Variants in DSE observed in about 807,000 individuals in gnomAD.
DSE encodes dermatan sulfate epimerase, also known as dermatan-sulfate epimerase.
DSE carries 36 observed loss-of-function variants against 84.4 expected under a neutral mutation model. The ratio of observed to expected loss-of-function variants is 0.43; its 90% CI spans 0.33 to 0.56. The LOEUF (loss-of-function observed/expected upper bound fraction) is 0.56. DSE is among the 20% of genes least tolerant of loss of function. DSE has a pLI of 0.06. For missense variants in DSE, 862 were observed against 1,169.6 expected, an observed-to-expected ratio of 0.74 and a Z score of 3.84; for synonymous variants, 410 against 430.1, an observed-to-expected ratio of 0.95 and a Z score of 0.58.
At chr6:116,336,965 C>CA (rs1777290099) in intron 2 of DSE, among the ~76,000 whole-genome samples, 1 of 152,080 alleles carries the variant, frequency 6.6e-6, no homozygotes, top group African/African-American at 2.4e-5. Context: ...TTCAAAGCAA[C>CA]AAAACAGCAT....
chr6:116,436,773 A>C lies in DSE; in HGVS notation c.2305A>C (p.Ser769Arg). ...ACTGTCCCGAGTCCGGAACACAGCTAGCTTTAGGAAGACTGCTGAACGCCT... is the reference window on the plus strand; with the variant it reads ...ACTGTCCCGAGTCCGGAACACAGCTCGCTTTAGGAAGACTGCTGAACGCCT... Reference protein sequence around the residue: ...QILSRVRNTASFRKTAERLLR... With the variant: ...QILSRVRNTARFRKTAERLLR... Residue 769 changes from serine (S) to arginine (R), a missense_variant, in exon 6 of 6, where the codon AGC (serine) becomes CGC (arginine). By Grantham distance (110) the Ser-to-Arg change is moderately radical. Transcript: ENST00000644252. 1 of 1,614,170 alleles carries C rather than the reference A, an allele frequency of 6.2e-7. No homozygotes were observed. Among genetic ancestry groups the C allele is most frequent in the East Asian group, 2.2e-5 (1 of 44,884 alleles).
At chr6:116,357,666 T>C (rs954439227) in intron 2 of DSE, among the ~76,000 whole-genome samples, 3 of 152,360 alleles carry the variant, frequency 2.0e-5, no homozygotes, top group Admixed American at 6.5e-5. Context: ...ATAGTGTTAT[T>C]GGTAAGCATC....
At chr6:116,399,116 G>T in intron 1 of DSE, 82 bp from the exon 2 acceptor site, 1 of 1,117,230 alleles carries the variant, frequency 9.0e-7, no homozygotes, top group South Asian at 1.6e-5. Context: ...TTCACATATG[G>T]TTTCTACCTC....
At chr6:116,329,372 C>T (rs546492060) in intron 2 of DSE, among the ~76,000 whole-genome samples, 125 of 152,292 alleles carry the variant, frequency 8.2e-4, no homozygotes, top group African/African-American at 3.0e-3. Context: ...ACAATCATTA[C>T]AAGCTTTGGA....
chr6:116,416,522 A>G (rs1782723824), intron 2 of DSE, among the ~76,000 whole-genome samples: 1 of 152,068 alleles, frequency 6.6e-6, no homozygotes, highest in East Asian at 1.9e-4. Context: ...GAGTCATGTT[A>G]TATTTAAAAT....
chr6:116,416,349 C>CTGTG (rs59237926), intron 2 of DSE, among the ~76,000 whole-genome samples: 5,325 of 133,960 alleles, frequency 0.04, 184 homozygotes, highest in East Asian at 0.13. Flanking sequence ...CTAATTGCCA[C>CTGTG]TGTGTGTGTG....
At chr6:116,421,368 A>G (rs762716160) in intron 2 of DSE, among the ~76,000 whole-genome samples, 3 of 144,762 alleles carry the variant, frequency 2.1e-5, no homozygotes, top group East Asian at 2.0e-4. Context: ...TTGTTCATTT[A>G]CTCATATTTA....
intron 2 of DSE, among the ~76,000 whole-genome samples, chr6:116,346,523 T>C (rs1489784114): frequency 6.6e-6 from 1 of 152,132 alleles, no homozygotes; most frequent in Non-Finnish European, 1.5e-5. Context: ...AAAAACCACA[T>C]GATTATCTCA....
intron 2 of DSE, among the ~76,000 whole-genome samples, chr6:116,321,504 C>T (rs960430587): frequency 2.0e-5 from 3 of 151,954 alleles, no homozygotes; most frequent in Non-Finnish European, 4.4e-5. Flanking sequence ...ATTTACAGTT[C>T]CTGGCCAGGC....
chr6:116,408,128 A>T (rs2115016226), intron 2 of DSE, among the ~76,000 whole-genome samples: 1 of 152,252 alleles, frequency 6.6e-6, no homozygotes, highest in Middle Eastern at 3.4e-3. Context: ...TTTTTATTTA[A>T]TTCATTGGTT....
upstream of DSE, chr6:116,370,295 TC>T: frequency 4.1e-6 from 1 of 243,898 alleles, no homozygotes; most frequent in African/African-American, 2.3e-5. Flanking sequence ...TAAAATCTGT[TC>T]CGTTTGCAGG....
intron 1 of DSE, among the ~76,000 whole-genome samples, chr6:116,382,039 G>GTGTA (rs1780264116): frequency 1.2e-5 from 1 of 85,408 alleles, no homozygotes; most frequent in African/African-American, 3.6e-5. Context: ...ATGGCATTCT[G>GTGTA]TGTGTGTGTG....
chr6:116,301,733 C>G (rs1344325952), intron 2 of DSE, among the ~76,000 whole-genome samples: 1 of 152,040 alleles, frequency 6.6e-6, no homozygotes, highest in Non-Finnish European at 1.5e-5. Context: ...TTTGCTACAC[C>G]CATCAACCCG....
intron 2 of DSE, among the ~76,000 whole-genome samples, chr6:116,298,802 G>A (rs891940132): frequency 2.6e-5 from 4 of 152,174 alleles, no homozygotes; most frequent in Non-Finnish European, 4.4e-5. Flanking sequence ...CAAAGCCTTT[G>A]ACTTTTCTGC....
chr6:116,412,187 C>A (rs946223489), intron 2 of DSE, among the ~76,000 whole-genome samples: 1 of 151,836 alleles, frequency 6.6e-6, no homozygotes, highest in Admixed American at 6.6e-5. Flanking sequence ...GGCATTATTT[C>A]ATTATTTCTC....
intron 2 of DSE, among the ~76,000 whole-genome samples, chr6:116,287,904 G>A (rs1186466779): frequency 6.6e-6 from 1 of 152,204 alleles, no homozygotes; most frequent in East Asian, 1.9e-4. Flanking sequence ...TTAAGAAAGT[G>A]ATGTATCTAG....
intron 2 of DSE, among the ~76,000 whole-genome samples, chr6:116,341,117 T>A (rs1777564250): frequency 6.6e-6 from 1 of 152,240 alleles, no homozygotes; most frequent in Admixed American, 6.5e-5. Flanking sequence ...GTAAAAGTGT[T>A]CGTGTTTCTC....
At chr6:116,368,195 A>G (rs190280967), upstream of DSE, among the ~76,000 whole-genome samples, 45 of 152,208 alleles carry the variant, frequency 3.0e-4, no homozygotes, top group Non-Finnish European at 7.4e-5. Context: ...ACCTTTTTCT[A>G]ATTCTTACAA....
chr6:116,370,743 G>C, upstream of DSE: 1 of 867,108 alleles, frequency 1.2e-6, no homozygotes, highest in Non-Finnish European at 1.4e-6. Flanking sequence ...TCCCGGGAGA[G>C]GAGGAGCGGG....
Sources: gnomAD v4.1 joint callset for allele counts (sites outside exome capture counted in the v4.1 genomes callset) on GRCh38, gnomAD v4.1.1 for gene constraint, MANE v1.5 for transcripts, NCBI Gene and HGNC (gene_info 2026-07-23, HGNC 2026-07-21) for gene names.